Variants in LARP1B observed in about 807,000 individuals in gnomAD.
LARP1B encodes the protein la-related protein 1B.
LARP1B carries 76 observed loss-of-function variants against 114.2 expected under a neutral mutation model. That is an observed-to-expected ratio of 0.67 (90% CI 0.55 to 0.81). The LOEUF (loss-of-function observed/expected upper bound fraction) is 0.81. Ranked by LOEUF, LARP1B falls within the 30% of genes least tolerant of loss-of-function variation. The pLI is 0.00. For missense variants in LARP1B, 1,014 were observed against 1,075.8 expected, an observed-to-expected ratio of 0.94 and a Z score of 0.80; for synonymous variants, 345 against 348.0, an observed-to-expected ratio of 0.99 and a Z score of 0.10.
At chr4:128,165,875 G>A (rs1740593268) in intron 12 of LARP1B, among the ~76,000 whole-genome samples, 1 of 152,002 alleles carries the variant, frequency 6.6e-6, no homozygotes. Context: ...GTTCTTCAGT[G>A]TTTCCCTAAC....
chr4:128,073,571 C>CTTT, intron 1 of LARP1B, among the ~76,000 whole-genome samples: 1 of 49,138 alleles, frequency 2.0e-5, no homozygotes, highest in Non-Finnish European at 4.2e-5. Context: ...ATATTGTTGT[C>CTTT]GTTTTTTTTT....
intron 9 of LARP1B, chr4:128,107,558 C>A: frequency 7.3e-7 from 1 of 1,369,060 alleles, no homozygotes; most frequent in Non-Finnish European, 9.5e-7. Context: ...TGTACTTTGT[C>A]ATGTATGGAG....
intron 11 of LARP1B, among the ~76,000 whole-genome samples, chr4:128,135,110 TA>T: frequency 6.9e-6 from 1 of 143,948 alleles, no homozygotes; most frequent in East Asian, 2.0e-4. Flanking sequence ...AATAAATAAA[TA>T]AATAAATAAA....
At position 128,210,618 on chromosome 4, in the gene LARP1B, AG is replaced by A; in HGVS notation, c.*566del. On this transcript the variant is annotated 3_prime_UTR_variant, in exon 20 of 20. Coordinates refer to ENST00000326639, the MANE Select transcript of LARP1B (RefSeq NM_018078.4). ...TATCCCTTTGAGACATATAGTTTAA[AG>A]AAAACTTTTTTTAAAACAAAAGTAG... 1.1e-6 allele frequency: 1 copy of A among 938,990 alleles called. No homozygotes were observed. The highest frequency in any genetic ancestry group is 1.3e-6 in the Non-Finnish European group (1 of 787,762). 58.2% of individuals were successfully genotyped at this position (938,990 alleles called of 1,614,324 possible).
At chr4:128,084,198 T>G (rs1270473610) in intron 5 of LARP1B, among the ~76,000 whole-genome samples, 11 of 150,650 alleles carry the variant, frequency 7.3e-5, no homozygotes, top group Admixed American at 7.3e-4. Context: ...CAGGCAGAGA[T>G]GCTCCTCACT....
intron 1 of LARP1B, among the ~76,000 whole-genome samples, chr4:128,065,331 C>CCTTTCTTTTCT (rs748006689): frequency 0.018 from 1,337 of 72,702 alleles, 34 homozygotes; most frequent in Non-Finnish European, 0.025. Context: ...CTCTCTCTCT[C>CCTTTCTTTTCT]TTTCCTTTCT....
intron 11 of LARP1B, among the ~76,000 whole-genome samples, chr4:128,144,443 T>G (rs77092781): frequency 0.055 from 8,406 of 152,256 alleles, 375 homozygotes; most frequent in Non-Finnish European, 0.082. Flanking sequence ...CATTTTTTAC[T>G]TGGGAATTCA....
intron 11 of LARP1B, among the ~76,000 whole-genome samples, chr4:128,139,707 A>C (rs1464669179): frequency 2.0e-5 from 3 of 152,192 alleles, no homozygotes; most frequent in African/African-American, 7.2e-5. Flanking sequence ...GACATGAACA[A>C]ACTTTTTACA....
chr4:128,063,584 A>T (rs1026730527), intron 1 of LARP1B, among the ~76,000 whole-genome samples: 11 of 151,840 alleles, frequency 7.2e-5, no homozygotes, highest in African/African-American at 2.7e-4. Flanking sequence ...GTTCAAGACC[A>T]TCCTGACTAA....
Position 128,211,355 on chromosome 4 carries a change from A to G in LARP1B, c.*1302A>G. ...TTAATTGTATTTTCTTTTTGAGCAG[A>G]TTGGATATCTTGTTCTTATAAATTA... On this transcript the variant is annotated 3_prime_UTR_variant, in exon 20 of 20. Transcript: ENST00000326639. 2 of 962,864 alleles carry G rather than the reference A, an allele frequency of 2.1e-6. No homozygotes were observed. Among genetic ancestry groups the G allele is most frequent in the Non-Finnish European group, 2.5e-6 (2 of 809,510 alleles). 59.6% of individuals were successfully genotyped at this position (962,864 alleles called of 1,614,324 possible).
chr4:128,214,253 C>T (rs960444008), downstream of LARP1B, among the ~76,000 whole-genome samples: 5 of 147,722 alleles, frequency 3.4e-5, no homozygotes, highest in African/African-American at 1.2e-4. Flanking sequence ...CCCAGGCTTG[C>T]TTAGGTAAAC....
At chr4:128,177,031 AG>A in intron 13 of LARP1B, 124 bp downstream of exon 13, 9 of 859,492 alleles carry the variant, frequency 1.0e-5, no homozygotes, top group Non-Finnish European at 1.5e-5. Flanking sequence ...AACAAGGAAC[AG>A]GACTGACAGT....
chr4:128,106,030 C>T (rs1781949435), intron 8 of LARP1B, among the ~76,000 whole-genome samples: 1 of 146,174 alleles, frequency 6.8e-6, no homozygotes, highest in African/African-American at 2.5e-5. Context: ...GGATAATGTT[C>T]TTTTTTTTTT....
chr4:128,145,357 G>A (rs554214549), intron 11 of LARP1B, among the ~76,000 whole-genome samples: 14 of 152,296 alleles, frequency 9.2e-5, no homozygotes, highest in African/African-American at 3.4e-4. Context: ...GGGTTAATGA[G>A]TAGCTTACAA....
chr4:128,102,535 C>G (rs1185648501), intron 8 of LARP1B, among the ~76,000 whole-genome samples: 2 of 152,202 alleles, frequency 1.3e-5, no homozygotes, highest in African/African-American at 4.8e-5. Context: ...GAAAAACTCT[C>G]AAGAGAAGCA....
At chr4:128,192,051 A>C in intron 15 of LARP1B, among the ~76,000 whole-genome samples, 1 of 152,128 alleles carries the variant, frequency 6.6e-6, no homozygotes, top group East Asian at 1.9e-4. Flanking sequence ...TGCTGATGAT[A>C]AGCTTTGTGC....
At chr4:128,105,052 G>T (rs1781577333) in intron 8 of LARP1B, among the ~76,000 whole-genome samples, 1 of 145,672 alleles carries the variant, frequency 6.9e-6, no homozygotes, top group South Asian at 2.3e-4. Context: ...AAACATATGG[G>T]AAAGTTTCAA....
rs143110324 is a variant in LARP1B at position 128,069,409 on chromosome 4, G to A, written c.-77-5051G>A. On this transcript the variant is annotated intron_variant, in intron 1 of 19. Coordinates refer to ENST00000326639, the MANE Select transcript of LARP1B (RefSeq NM_018078.4). ...CCATAAGTTGCACCCTTAGGAACTG[G>A]GTGCTTTCGGCCACCATGGCGAACA... 16 of 761,686 alleles carry A rather than the reference G, an allele frequency of 2.1e-5. No individual in the cohort carries two copies. The East Asian group carries it at 3.6e-4, about 17-fold the overall frequency. 47.2% of individuals were successfully genotyped at this position (761,686 alleles called of 1,614,324 possible).
At chr4:128,061,653 C>T (rs1010773813) in intron 1 of LARP1B, 22 of 983,920 alleles carry the variant, frequency 2.2e-5, no homozygotes, top group Non-Finnish European at 2.7e-5. Context: ...GTTCCCTGGC[C>T]TCGGGGCCAC....
Sources: allele counts gnomAD v4.1 joint callset (sites outside exome capture counted in the v4.1 genomes callset), GRCh38; gene constraint gnomAD v4.1.1; transcripts MANE v1.5; gene names NCBI Gene and HGNC (gene_info 2026-07-23, HGNC 2026-07-21).